CDH12: variants seen among roughly 807,000 people sequenced by gnomAD.
The protein encoded by CDH12 is cadherin 12.
A neutral mutation model predicts 74.1 loss-of-function variants in CDH12; 41 were observed. The ratio of observed to expected loss-of-function variants is 0.55; its 90% CI spans 0.43 to 0.72. The LOEUF is 0.72. Ranked by LOEUF, CDH12 falls within the 30% of genes least tolerant of loss-of-function variation. CDH12 has a pLI of 0.00. For synonymous variants in CDH12, 399 were observed against 355.0 expected (o/e 1.12, Z -1.39); for missense variants, 945 against 977.2 (o/e 0.97, Z 0.44).
chr5:22,573,999 G>A (rs1202056281), intron 1 of CDH12, among the ~76,000 whole-genome samples: 1 of 150,334 alleles, frequency 6.7e-6, no homozygotes, highest in African/African-American at 2.5e-5. Context: ...GTGGTCTCCT[G>A]TGCAATATTT....
At chr5:22,054,886 A>G (rs1043839206) in intron 5 of CDH12, among the ~76,000 whole-genome samples, 2 of 152,190 alleles carry the variant, frequency 1.3e-5, no homozygotes, top group Non-Finnish European at 2.9e-5. Flanking sequence ...CACAATGGGC[A>G]TATCCTGGGC....
intron 2 of CDH12, among the ~76,000 whole-genome samples, chr5:22,409,494 T>C (rs922646645): frequency 6.6e-6 from 1 of 152,086 alleles, no homozygotes; most frequent in Non-Finnish European, 1.5e-5. Context: ...CACTAATTAT[T>C]TGGTTTGGAA....
intron 1 of CDH12, among the ~76,000 whole-genome samples, chr5:22,555,395 G>A (rs1399523350): frequency 6.6e-6 from 1 of 151,870 alleles, no homozygotes; most frequent in Non-Finnish European, 1.5e-5. Flanking sequence ...AACCAACCAT[G>A]CAATAAAAGC....
At chr5:22,327,811 G>A (rs949952037) in intron 3 of CDH12, among the ~76,000 whole-genome samples, 3 of 151,828 alleles carry the variant, frequency 2.0e-5, no homozygotes, top group Admixed American at 6.6e-5. Context: ...AAAAATCTTC[G>A]CTTAAACAAA....
chr5:22,649,909 A>T (rs959925170), intron 1 of CDH12, among the ~76,000 whole-genome samples: 1 of 151,968 alleles, frequency 6.6e-6, no homozygotes, highest in African/African-American at 2.4e-5. Context: ...ATATATATAT[A>T]AAATTATAGA....
chr5:22,812,459 G>A (rs763173597), intron 1 of CDH12, among the ~76,000 whole-genome samples: 65 of 152,242 alleles, frequency 4.3e-4, no homozygotes, highest in Admixed American at 6.5e-4. Context: ...ATTCTAGTTG[G>A]GATAGCAGAG....
intron 6 of CDH12, among the ~76,000 whole-genome samples, chr5:21,974,682 A>G (rs1307931602): frequency 6.6e-6 from 1 of 152,184 alleles, no homozygotes; most frequent in African/African-American, 2.4e-5. Context: ...CCACTTCCAG[A>G]TCAGATGTGA....
intron 5 of CDH12, among the ~76,000 whole-genome samples, chr5:22,004,941 C>T (rs1411940492): frequency 6.6e-6 from 1 of 152,148 alleles, no homozygotes; most frequent in Non-Finnish European, 1.5e-5. Context: ...ATAATGGCCT[C>T]CAGCTCTATC....
chr5:22,140,043 T>A, intron 4 of CDH12, among the ~76,000 whole-genome samples: 1 of 152,016 alleles, frequency 6.6e-6, no homozygotes, highest in Non-Finnish European at 1.5e-5. Flanking sequence ...GCCAAACAAA[T>A]CCCCGGAACT....
chr5:22,354,555 G>A (rs1024704281), intron 3 of CDH12, among the ~76,000 whole-genome samples: 5 of 152,138 alleles, frequency 3.3e-5, no homozygotes, highest in Admixed American at 2.6e-4. Context: ...TGCTTGAGAC[G>A]CCTGGATGCC....
intron 3 of CDH12, among the ~76,000 whole-genome samples, chr5:22,231,855 C>G (rs11749109): frequency 0.33 from 50,632 of 151,626 alleles, 9,993 homozygotes; most frequent in Admixed American, 0.46. Flanking sequence ...TAAGTAATTA[C>G]TAAATAAAAT....
intron 1 of CDH12, among the ~76,000 whole-genome samples, chr5:22,651,643 T>C (rs963393973): frequency 6.6e-6 from 1 of 151,814 alleles, no homozygotes; most frequent in African/African-American, 2.4e-5. Flanking sequence ...CAAGATAAGA[T>C]TTGGGTGGAG....
chr5:22,816,628 G>T (rs1010019929), intron 1 of CDH12, among the ~76,000 whole-genome samples: 1 of 152,102 alleles, frequency 6.6e-6, no homozygotes, highest in Non-Finnish European at 1.5e-5. Flanking sequence ...AACATATTAA[G>T]TTTCCAACCA....
intron 3 of CDH12, among the ~76,000 whole-genome samples, chr5:22,348,286 T>A (rs997342908): frequency 1.4e-4 from 21 of 152,068 alleles, no homozygotes; most frequent in African/African-American, 4.8e-4. Flanking sequence ...AATGACGAGG[T>A]TCACTCTGAA....
intron 1 of CDH12, among the ~76,000 whole-genome samples, chr5:22,837,156 T>G (rs1307397723): frequency 4.6e-5 from 7 of 152,164 alleles, no homozygotes. Context: ...TGGTGGCTTA[T>G]GCCTGTAATC....
chr5:21,896,760 G>A (rs879264314), intron 6 of CDH12, among the ~76,000 whole-genome samples: 7 of 152,074 alleles, frequency 4.6e-5, no homozygotes, highest in South Asian at 4.1e-4. Flanking sequence ...AACACTGCCC[G>A]CTTCCCAGAT....
chr5:22,198,146 T>C (rs560538076), intron 4 of CDH12, among the ~76,000 whole-genome samples: 9 of 152,344 alleles, frequency 5.9e-5, no homozygotes, highest in African/African-American at 2.2e-4. Flanking sequence ...ATAGTGTGCG[T>C]CTGGGTGAAT....
At chr5:22,260,003 A>G (rs1410568321) in intron 3 of CDH12, among the ~76,000 whole-genome samples, 1 of 152,106 alleles carries the variant, frequency 6.6e-6, no homozygotes, top group African/African-American at 2.4e-5. Context: ...ATCTCCTTAA[A>G]AAGTGAGCAT....
chr5:22,462,199 C>T (rs1470562998), intron 2 of CDH12, among the ~76,000 whole-genome samples: 1 of 151,944 alleles, frequency 6.6e-6, no homozygotes, highest in South Asian at 2.1e-4. Flanking sequence ...ATCAAGAACA[C>T]CAAAAATATA....
Sources: gnomAD v4.1 joint callset for allele counts (sites outside exome capture counted in the v4.1 genomes callset) on GRCh38, gnomAD v4.1.1 for gene constraint, MANE v1.5 for transcripts, NCBI Gene and HGNC (gene_info 2026-07-23, HGNC 2026-07-21) for gene names.